The following CTDP1 variants were observed in gnomAD, a reference collection of about 807,000 sequenced individuals.
CTDP1 encodes RNA polymerase II subunit A C-terminal domain phosphatase.
In CTDP1, 47 loss-of-function variants were observed where a neutral mutation model predicts 91.8. The observed-to-expected ratio is 0.51, with a 90% CI of 0.41 to 0.65. The LOEUF (loss-of-function observed/expected upper bound fraction) is 0.65, where lower values mean the gene tolerates loss of function less well. Among genes scored for constraint, CTDP1 ranks in the 30% least tolerant of loss-of-function variants. CTDP1 has a pLI of 0.00. For synonymous variants in CTDP1, 656 were observed against 598.5 expected, an observed-to-expected ratio of 1.10 and a Z score of -1.40; for missense variants, 1,272 against 1,373.7, an observed-to-expected ratio of 0.93 and a Z score of 1.17.
chr18:79,695,240 G>A lies in CTDP1; in HGVS notation c.330G>A (p.Arg110=), dbSNP rs1414505760. 6.2e-7 allele frequency: 1 copy of A among 1,614,168 alleles called. No homozygotes were observed. Among genetic ancestry groups the A allele is most frequent in the South Asian group, 1.1e-5 (1 of 91,084 alleles). ...QVVAPGAVLV[R]LEGCSHPVVM... ...TTTTTTGTAGAGCGGTTCTGGTGAG[G>A]TTGGAAGGATGCAGCCACCCGGTTG... is the stretch of plus-strand genomic sequence containing the variant. Residue 110 remains arginine (R), a synonymous_variant, in exon 2 of 13, where the codon AGG becomes AGA. Transcript: ENST00000613122.
At chr18:79,715,930 G>T (rs1399389482) in intron 8 of CTDP1, among the ~76,000 whole-genome samples, 1 of 152,214 alleles carries the variant, frequency 6.6e-6, no homozygotes, top group Non-Finnish European at 1.5e-5. Flanking sequence ...GCTGAAACGT[G>T]CACAGAAGGA....
rs187068493 is a variant in CTDP1, at chr18:79,696,078, G to T, written c.492+8G>T. ...TTGATGGTGAGCTCCGAGGTGAGCC[G>T]GGCATCAGTGGCGGCGTGTTGGGGA... On this transcript the variant is annotated splice_region_variant and intron_variant, in intron 3 of 12. Coordinates refer to ENST00000613122, the MANE Select transcript of CTDP1 (RefSeq NM_004715.5). The T allele has an allele frequency of 4.3e-4, 697 of 1,609,380 alleles. 3 individuals are homozygous for T. The African/African-American group carries it at 7.3e-3, about 17-fold the overall frequency.
At chr18:79,745,215 T>G (rs1044645366) in intron 12 of CTDP1, among the ~76,000 whole-genome samples, 2 of 152,174 alleles carry the variant, frequency 1.3e-5, no homozygotes, top group Non-Finnish European at 2.9e-5. Flanking sequence ...TCAGCACACA[T>G]ACGTGTTTGA....
At chr18:79,711,126 G>A (rs1052623471) in intron 6 of CTDP1, among the ~76,000 whole-genome samples, 1 of 152,180 alleles carries the variant, frequency 6.6e-6, no homozygotes, top group Admixed American at 6.5e-5. Flanking sequence ...AGCACAATTC[G>A]ATGTCAGCCC....
rs138239957 is a variant in CTDP1 at position 79,754,041 on chromosome 18, G to A, written c.*251G>A. ...GTGCTGTGCCAAAGAGCTCAGCAGA[G>A]GCTCACGTGGCCCAGGCTGGTGCGC... On this transcript the variant is annotated 3_prime_UTR_variant, in exon 13 of 13. Transcript: ENST00000613122. 11 of 551,222 alleles carry A rather than the reference G, an allele frequency of 2.0e-5. No homozygotes were observed. In the African/African-American group the frequency reaches 2.1e-4, roughly 10 times the overall value. 34.1% of individuals were successfully genotyped at this position (551,222 alleles called of 1,614,324 possible). A position where few individuals can be genotyped will look rare whatever the true frequency, so the allele number is the denominator to read the frequency against.
Position 79,713,039 on chromosome 18 carries a change from GC to G in CTDP1, c.936del (p.Asn313IlefsTer2), listed in dbSNP as rs2122615211. 1 of 1,614,120 alleles carries G rather than the reference GC, an allele frequency of 6.2e-7. No homozygotes were observed. The highest frequency in any genetic ancestry group is 1.3e-5 in the African/African-American group (1 of 75,016). ...TGATCGAGAAGATGTCTGGAAGTTT[GC>G]CCCCAATCTGATAACTGTGAAGAAA... ...IDDREDVWKF[A>X]PNLITVKKYV... On this transcript the variant is annotated frameshift_variant, in exon 7 of 13. Coordinates refer to ENST00000613122, the MANE Select transcript of CTDP1 (RefSeq NM_004715.5). LOFTEE classifies it high-confidence loss of function. The surrounding 1 kb of genome is among the most constrained non-coding windows in gnomAD (Gnocchi z 4.7).
intron 12 of CTDP1, among the ~76,000 whole-genome samples, chr18:79,745,318 T>TGCGTCCCTCCCGTGCGGGTTCTGTGCCC (rs1568219313): frequency 1.8e-5 from 1 of 56,312 alleles, no homozygotes; most frequent in Non-Finnish European, 3.3e-5. Flanking sequence ...GTTCTGTCCC[T>TGCGTCCCTCCCGTGCGGGTTCTGTGCCC]GCGTCCCTCC....
At chr18:79,701,382 T>C (rs962969937) in intron 4 of CTDP1, among the ~76,000 whole-genome samples, 11 of 151,490 alleles carry the variant, frequency 7.3e-5, no homozygotes, top group East Asian at 5.8e-4. Context: ...TGGTGGCGGG[T>C]GCCTGTAGTC....
chr18:79,736,596 A>G (rs986074227), intron 12 of CTDP1, 75 bp downstream of exon 12: 16 of 1,371,824 alleles, frequency 1.2e-5, no homozygotes, highest in Non-Finnish European at 1.4e-5. Context: ...TGGGCCGCCT[A>G]CCTGCATCTC....
chr18:79,709,223 A>T (rs1286646687), intron 5 of CTDP1, among the ~76,000 whole-genome samples: 1 of 152,248 alleles, frequency 6.6e-6, no homozygotes, highest in African/African-American at 2.4e-5. Context: ...TACAAACTGA[A>T]ATATGTTTCC....
chr18:79,700,635 G>A lies in CTDP1; in HGVS notation c.621+2647G>A, dbSNP rs577634250. Among the ~76,000 whole-genome samples, 15 of 152,372 alleles carry A rather than the reference G, an allele frequency of 9.8e-5. No individual in the cohort carries two copies. In the East Asian group the frequency reaches 2.7e-3, roughly 27 times the overall value. ...GTCTCCGTAACACAAAAGTGAAGGTGAAGCAGCAGGTGCTGTTGGAGAAAC... is the reference window on the plus strand; with the variant it reads ...GTCTCCGTAACACAAAAGTGAAGGTAAAGCAGCAGGTGCTGTTGGAGAAAC... On this transcript the variant is annotated intron_variant, in intron 4 of 12. Coordinates refer to ENST00000613122, the MANE Select transcript of CTDP1 (RefSeq NM_004715.5).
At chr18:79,724,335 G>A (rs72976129) in intron 10 of CTDP1, among the ~76,000 whole-genome samples, 19,156 of 152,230 alleles carry the variant, frequency 0.13, 1,591 homozygotes, top group Non-Finnish European at 0.19. Context: ...ATGTCCAGTG[G>A]TAGATACAGT....
intron 12 of CTDP1, among the ~76,000 whole-genome samples, chr18:79,753,218 G>A (rs987226373): frequency 4.6e-5 from 7 of 152,384 alleles, no homozygotes; most frequent in African/African-American, 9.6e-5. Flanking sequence ...AGTCATTTTA[G>A]CAGTGGCCTG....
chr18:79,712,475 T>A (rs1208976298), intron 6 of CTDP1, among the ~76,000 whole-genome samples: 1 of 151,994 alleles, frequency 6.6e-6, no homozygotes, highest in Non-Finnish European at 1.5e-5. Context: ...AGAGACAGGG[T>A]CTTCCTATGT....
Position 79,736,341 on chromosome 18 carries a change from T to C in CTDP1, c.2581-14T>C. ...GGGAAGGAGGTCTGTCGCTGACTCTTGGCTGTTTGTCAGGTGGACGACATC... is the reference window on the plus strand; with the variant it reads ...GGGAAGGAGGTCTGTCGCTGACTCTCGGCTGTTTGTCAGGTGGACGACATC... On this transcript the variant is annotated splice_polypyrimidine_tract_variant and intron_variant, in intron 11 of 12. Transcript: ENST00000613122. 6.5e-7 allele frequency: 1 copy of C among 1,549,014 alleles called. No homozygotes were observed. Among genetic ancestry groups the C allele is most frequent in the Non-Finnish European group, 8.7e-7 (1 of 1,146,948 alleles).
chr18:79,720,126 GTGA>G (rs1183631870), intron 10 of CTDP1, among the ~76,000 whole-genome samples: 2 of 146,240 alleles, frequency 1.4e-5, no homozygotes, highest in East Asian at 2.1e-4. Context: ...AGGCATCCTG[GTGA>G]TGATGTCACC....
rs2086243226 is a variant in CTDP1, at chr18:79,717,648, C to T, written c.2182C>T (p.Leu728Phe). The change falls in exon 9 of 13, where the codon CTC (leucine) becomes TTC (phenylalanine). Residue 728 changes from leucine to phenylalanine, a missense_variant. Leu to Phe is a conservative substitution (Grantham distance 22). Coordinates refer to ENST00000613122, the MANE Select transcript of CTDP1 (RefSeq NM_004715.5). ...WDKVEEQLFP[L>F]RDDHTKAQRE... ...CAAGGTGGAGGAGCAGCTCTTCCCGCTCAGGGACGATCACACCAAGGCACA... is the reference window on the plus strand; with the variant it reads ...CAAGGTGGAGGAGCAGCTCTTCCCGTTCAGGGACGATCACACCAAGGCACA... 6.2e-7 allele frequency: 1 copy of T among 1,613,926 alleles called. No homozygotes were observed. The highest frequency in any genetic ancestry group is 1.3e-5 in the African/African-American group (1 of 74,918).
Position 79,751,709 on chromosome 18 carries a change from G to C in CTDP1, c.2748-1943G>C, listed in dbSNP as rs2087005592. Among the ~76,000 whole-genome samples the C allele has an allele frequency of 2.6e-5, 4 of 151,790 alleles. No homozygotes were observed. The South Asian group carries it at 8.3e-4, about 32-fold the overall frequency. On this transcript the variant is annotated intron_variant, in intron 12 of 12. Coordinates refer to ENST00000613122, the MANE Select transcript of CTDP1 (RefSeq NM_004715.5). ...ACATGCGTGCTGTGTGTGCGTGCAG[G>C]TGTATCACATTACCGTGCTATAGTT...
chr18:79,707,356 A>G (rs1341935193), intron 5 of CTDP1, among the ~76,000 whole-genome samples: 1 of 152,222 alleles, frequency 6.6e-6, no homozygotes, highest in Non-Finnish European at 1.5e-5. Context: ...CTGCTCGCAG[A>G]TTCAGCAGAG....
Sources: allele counts gnomAD v4.1 joint callset (sites outside exome capture counted in the v4.1 genomes callset), GRCh38; gene constraint gnomAD v4.1.1; non-coding constraint Gnocchi (gnomAD v3.1); transcripts MANE v1.5; gene names NCBI Gene and HGNC (gene_info 2026-07-23, HGNC 2026-07-21).